Variants in PACSIN1 observed in about 807,000 individuals in gnomAD.
PACSIN1 encodes protein kinase C and casein kinase substrate in neurons protein 1.
A neutral mutation model predicts 59.5 loss-of-function variants in PACSIN1; 15 were observed. The observed-to-expected ratio is 0.25, with a 90% CI of 0.17 to 0.39. PACSIN1 has a LOEUF of 0.39. Ranked by LOEUF, PACSIN1 falls within the 10% of genes least tolerant of loss-of-function variation. The pLI is 1.00. For missense variants in PACSIN1, 420 were observed against 580.2 expected, an observed-to-expected ratio of 0.72 and a Z score of 2.84; for synonymous variants, 210 against 220.6, an observed-to-expected ratio of 0.95 and a Z score of 0.42.
Position 34,532,615 on chromosome 6 carries a change from G to A in PACSIN1, c.*85G>A. ...CTCGTCTCCTTCCCCTCGCCATAGA[G>A]TTCCAGACATATTTTCCGATCAAGC... On this transcript the variant is annotated 3_prime_UTR_variant, in exon 10 of 10. Transcript: ENST00000244458. This position sits in a 1 kb window ranked among gnomAD's most constrained non-coding sequence, Gnocchi z 5.2. The A allele has an allele frequency of 4.2e-6, 3 of 714,170 alleles. No homozygotes were observed. Among genetic ancestry groups the A allele is most frequent in the South Asian group, 3.6e-5 (2 of 54,818 alleles). The allele number at this position is 714,170 out of a possible 1,614,324, so 44.2% of individuals were successfully genotyped here.
intron 1 of PACSIN1, among the ~76,000 whole-genome samples, chr6:34,509,081 C>T (rs1767161014): frequency 6.6e-6 from 1 of 152,152 alleles, no homozygotes; most frequent in Admixed American, 6.5e-5. Flanking sequence ...TCTAAGAAAT[C>T]ATTGCCAAGG....
intron 1 of PACSIN1, among the ~76,000 whole-genome samples, chr6:34,510,213 C>T (rs1453073662): frequency 1.3e-5 from 2 of 152,266 alleles, no homozygotes; most frequent in African/African-American, 2.4e-5. Flanking sequence ...GCAAAAGCTT[C>T]TTAACTGGTC....
In PACSIN1 at chr6:34,528,861, C is replaced by G. The variant is rs761745160; in HGVS notation, c.440C>G (p.Ala147Gly). 6.4e-7 allele frequency: 1 copy of G among 1,557,668 alleles called. No individual in the cohort carries two copies. Among genetic ancestry groups the G allele is most frequent in the Non-Finnish European group, 8.7e-7 (1 of 1,145,522 alleles). ...DGFRKAQKPW[A>G]KKMKELEAAK... ...TTCCGCAAGGCCCAGAAGCCTTGGG[C>G]CAAGAAGATGAAGGAGGTGCTCAGT... The change falls in exon 4 of 10, where the codon GCC becomes GGC. Residue 147 changes from alanine (A) to glycine (G), a missense_variant. Physicochemically the swap from Ala to Gly is moderately conservative, Grantham distance 60. Coordinates refer to ENST00000244458, the MANE Select transcript of PACSIN1 (RefSeq NM_020804.5).
intron 1 of PACSIN1, among the ~76,000 whole-genome samples, chr6:34,468,453 G>T (rs532761045): frequency 6.6e-6 from 1 of 152,144 alleles, no homozygotes; most frequent in Non-Finnish European, 1.5e-5. Flanking sequence ...ACAATGGCTC[G>T]CATTGCTATT....
rs559473208 is a variant in PACSIN1 at position 34,531,904 on chromosome 6, G to T, written c.1225+117G>T. The T allele has an allele frequency of 3.9e-4, 383 of 988,230 alleles. No individual in the cohort carries two copies. Among genetic ancestry groups the T allele is most frequent in the Middle Eastern group, 6.0e-4 (2 of 3,336 alleles). 61.2% of individuals were successfully genotyped at this position (988,230 alleles called of 1,614,324 possible). A position where few individuals can be genotyped will look rare whatever the true frequency, so the allele number is the denominator to read the frequency against. On this transcript the variant is annotated intron_variant, in intron 9 of 9. Coordinates refer to ENST00000244458, the MANE Select transcript of PACSIN1 (RefSeq NM_020804.5). This position sits in a 1 kb window ranked among gnomAD's most constrained non-coding sequence, Gnocchi z 4.4. ...GGGTCTGGATTGGGTGTGTGGTGGT[G>T]CAGGGGCGGTGCCTGAGAGAGAAGC...
At position 34,510,526 on chromosome 6, in the gene PACSIN1, A is replaced by G. The variant is rs755383630; in HGVS notation, c.-63-15717A>G. On this transcript the variant is annotated intron_variant, in intron 1 of 9. Coordinates refer to ENST00000244458, the MANE Select transcript of PACSIN1 (RefSeq NM_020804.5). ...AACCATTCAGCTGTGGGCTGCTTTC[A>G]ATGCGCTCAGCTTACTCCCACCTCT... 1.3e-5 allele frequency among the ~76,000 whole-genome samples: 2 copies of G among 151,984 alleles called. 1 individual carries two copies. The highest frequency in any genetic ancestry group is 1.3e-4 in the Admixed American group (2 of 15,274).
rs1767599146 is a variant in PACSIN1 at position 34,531,748 on chromosome 6, T to C, written c.1186T>C (p.Tyr396His). The C allele has an allele frequency of 6.3e-7, 1 of 1,589,278 alleles. No individual in the cohort carries two copies. Among genetic ancestry groups the C allele is most frequent in the Admixed American group, 1.8e-5 (1 of 56,846 alleles). The change falls in exon 9 of 10, where the codon TAT becomes CAT. Residue 396 changes from tyrosine (Y) to histidine (H), a missense_variant. Coordinates refer to ENST00000244458, the MANE Select transcript of PACSIN1 (RefSeq NM_020804.5). This position sits in a 1 kb window ranked among gnomAD's most constrained non-coding sequence, Gnocchi z 4.4. ...KGVRVRALYD[Y>H]DGQEQDELSF... is the part of the protein sequence containing the mutation. Reference sequence around the variant, plus strand: ...AGTGCGCGTGCGGGCACTCTACGACTATGACGGCCAGGAGCAGGACGAGCT... The same window carrying C: ...AGTGCGCGTGCGGGCACTCTACGACCATGACGGCCAGGAGCAGGACGAGCT...
At chr6:34,497,386 G>GC (rs1427951216) in intron 1 of PACSIN1, among the ~76,000 whole-genome samples, 8 of 152,128 alleles carry the variant, frequency 5.3e-5, no homozygotes, top group Non-Finnish European at 1.2e-4. Flanking sequence ...CCTCCCAGTT[G>GC]CCCTGTGAGG....
chr6:34,483,271 G>T (rs1766747151), intron 1 of PACSIN1, among the ~76,000 whole-genome samples: 1 of 152,224 alleles, frequency 6.6e-6, no homozygotes, highest in Non-Finnish European at 1.5e-5. Flanking sequence ...CTCCCAAAGT[G>T]CTGGGATTAC....
At chr6:34,517,246 T>A (rs1227483727) in intron 1 of PACSIN1, among the ~76,000 whole-genome samples, 2 of 152,004 alleles carry the variant, frequency 1.3e-5, no homozygotes, top group Non-Finnish European at 2.9e-5. Context: ...CTCTTCCCGC[T>A]CCTTCTAACA....
At chr6:34,467,685 A>AG (rs1053232805) in intron 1 of PACSIN1, among the ~76,000 whole-genome samples, 3 of 150,678 alleles carry the variant, frequency 2.0e-5, no homozygotes, top group African/African-American at 7.3e-5. Flanking sequence ...CAGCCTCCTG[A>AG]GTAGCTGGAA....
Position 34,518,112 on chromosome 6 carries a change from C to T in PACSIN1, c.-63-8131C>T, listed in dbSNP as rs529626446. 5.1e-4 allele frequency among the ~76,000 whole-genome samples: 77 copies of T among 152,242 alleles called. No homozygotes were observed. Among genetic ancestry groups the T allele is most frequent in the Admixed American group, 9.8e-4 (15 of 15,294 alleles). On this transcript the variant is annotated intron_variant, in intron 1 of 9. Transcript: ENST00000244458. The surrounding 1 kb of genome is among the most constrained non-coding windows in gnomAD (Gnocchi z 4.4). Reference sequence around the variant, plus strand: ...CACATCTTCCTTTTCTCCAATCCAGCTGTGACCAGAGCTGCTCTGCCCGGC... The same window carrying T: ...CACATCTTCCTTTTCTCCAATCCAGTTGTGACCAGAGCTGCTCTGCCCGGC...
chr6:34,472,738 G>A (rs745406389), intron 1 of PACSIN1, among the ~76,000 whole-genome samples: 6 of 152,084 alleles, frequency 3.9e-5, no homozygotes, highest in African/African-American at 4.8e-5. Flanking sequence ...GAAACCTGGC[G>A]GGATGGGAAA....
rs1266436067 is a variant in PACSIN1, at chr6:34,527,192, G to A, written c.64-140G>A. The A allele has an allele frequency of 1.3e-4, 111 of 844,980 alleles. No individual in the cohort carries two copies. The African/African-American group carries it at 1.7e-3, about 13-fold the overall frequency. 52.3% of individuals were successfully genotyped at this position (844,980 alleles called of 1,614,324 possible). A position where few individuals can be genotyped will look rare whatever the true frequency, so the allele number is the denominator to read the frequency against. ...TTGCCGCTGCGCCGCGGGGCGGGGG[G>A]CGGGGGCGGGGGCGGGGACGGCGAG... On this transcript the variant is annotated intron_variant, in intron 2 of 9. Transcript: ENST00000244458.
intron 1 of PACSIN1, among the ~76,000 whole-genome samples, chr6:34,504,281 TA>T (rs2127259967): frequency 1.3e-5 from 1 of 74,238 alleles, no homozygotes; most frequent in African/African-American, 6.6e-5. Flanking sequence ...TATATATATA[TA>T]TATATATATT....
At position 34,526,341 on chromosome 6, in the gene PACSIN1, A is replaced by C. The variant is rs756893636; in HGVS notation, c.36A>C (p.Pro12=). ...CCTACGATGAGGCCTCACTGGCGCC[A>C]GAGGAGACCACCGACAGCTTCTGGG... ...SSSYDEASLA[P]EETTDSFWEV... is the part of the protein sequence containing the mutation. Residue 12 remains proline (P), a synonymous_variant, in exon 2 of 10, where the codon CCA becomes CCC. Coordinates refer to ENST00000244458, the MANE Select transcript of PACSIN1 (RefSeq NM_020804.5). 23 of 1,612,094 alleles carry C rather than the reference A, an allele frequency of 1.4e-5. No homozygotes were observed. The highest frequency in any genetic ancestry group is 3.3e-4 in the Middle Eastern group (2 of 6,082).
At position 34,530,382 on chromosome 6, in the gene PACSIN1, G is replaced by A; in HGVS notation, c.909+19G>A. The A allele has an allele frequency of 6.2e-7, 1 of 1,612,148 alleles. No individual in the cohort carries two copies. Among genetic ancestry groups the A allele is most frequent in the Non-Finnish European group, 8.5e-7 (1 of 1,178,592 alleles). ...GTTTGAGGTGAGGATATGTGGGGAT[G>A]GGAAGGGGAGCCTGAAGAGGCTGAA... On this transcript the variant is annotated intron_variant, in intron 7 of 9. Coordinates refer to ENST00000244458, the MANE Select transcript of PACSIN1 (RefSeq NM_020804.5). This position sits in a 1 kb window ranked among gnomAD's most constrained non-coding sequence, Gnocchi z 4.4.
chr6:34,489,821 G>A (rs1404950179), intron 1 of PACSIN1, among the ~76,000 whole-genome samples: 2 of 152,206 alleles, frequency 1.3e-5, no homozygotes, highest in African/African-American at 4.8e-5. Context: ...AAATGCCTGG[G>A]TATTCATCTT....
intron 1 of PACSIN1, 51 bp from the exon 2 acceptor site, chr6:34,526,192 G>C: frequency 1.2e-6 from 1 of 846,718 alleles, no homozygotes; most frequent in Non-Finnish European, 1.9e-6. Flanking sequence ...ATGGGGCAAA[G>C]GGTGGAAGGC....
Sources: allele counts gnomAD v4.1 joint callset (sites outside exome capture counted in the v4.1 genomes callset), GRCh38; gene constraint gnomAD v4.1.1; non-coding constraint Gnocchi (gnomAD v3.1); transcripts MANE v1.5; gene names NCBI Gene and HGNC (gene_info 2026-07-23, HGNC 2026-07-21).